The following DPF3 variants were observed in gnomAD, a reference collection of about 807,000 sequenced individuals.
DPF3 encodes the protein double PHD fingers 3.
DPF3 carries 18 observed loss-of-function variants against 56.8 expected under a neutral mutation model. The observed-to-expected ratio is 0.32, with a 90% CI of 0.22 to 0.47. The LOEUF (loss-of-function observed/expected upper bound fraction) is 0.47, where lower values mean the gene tolerates loss of function less well. Among genes scored for constraint, DPF3 ranks in the 20% least tolerant of loss-of-function variants. The probability of loss-of-function intolerance (pLI) is 1.00; values close to 1 mark genes in which losing one functional copy is unlikely to be tolerated. For missense variants in DPF3, 403 were observed against 488.8 expected (o/e 0.82, Z 1.65); for synonymous variants, 188 against 180.2 (o/e 1.04, Z -0.35).
intron 1 of DPF3, among the ~76,000 whole-genome samples, chr14:72,838,707 A>C (rs1748925187): frequency 6.6e-6 from 1 of 151,684 alleles, no homozygotes; most frequent in South Asian, 2.1e-4. Flanking sequence ...CAGTGAGCTG[A>C]AATCACACCA....
chr14:72,879,666 C>A, intron 1 of DPF3: 1 of 1,094,074 alleles, frequency 9.1e-7, no homozygotes, highest in Admixed American at 3.0e-5. Context: ...CAGAGGAAAC[C>A]GCCTGCCCAG....
rs1326660381 is a variant in DPF3, at chr14:72,609,959, T to C, written c.*9338A>G. Among the ~76,000 whole-genome samples, 3 of 151,886 alleles carry C rather than the reference T, an allele frequency of 2.0e-5. No individual in the cohort carries two copies. Among genetic ancestry groups the C allele is most frequent in the Admixed American group, 6.6e-5 (1 of 15,264 alleles). On this transcript the variant is annotated 3_prime_UTR_variant, in exon 11 of 11. Coordinates refer to ENST00000556509, the MANE Select transcript of DPF3 (RefSeq NM_001280542.3). The stretch of plus-strand genomic sequence containing the variant: ...GGGTCCCAAGGATCAGTGGGGAGGG[T>C]GTTCAAAAGAGCAAAAAGGGAAACC...
chr14:72,664,498 TC>T (rs1399016676), intron 8 of DPF3, among the ~76,000 whole-genome samples: 1 of 152,050 alleles, frequency 6.6e-6, no homozygotes, highest in African/African-American at 2.4e-5. Flanking sequence ...GTGTTCTTAG[TC>T]TCCTGCTCTC....
intron 6 of DPF3, among the ~76,000 whole-genome samples, chr14:72,698,698 T>C (rs955683217): frequency 6.6e-6 from 1 of 152,008 alleles, no homozygotes; most frequent in Non-Finnish European, 1.5e-5. Flanking sequence ...AATAAAAAAG[T>C]AGGCTAGGCT....
chr14:72,762,029 A>G, intron 2 of DPF3, among the ~76,000 whole-genome samples: 1 of 151,998 alleles, frequency 6.6e-6, no homozygotes, highest in Non-Finnish European at 1.5e-5. Flanking sequence ...CCCTATATCT[A>G]TAAAATAAAT....
At chr14:72,857,393 C>T (rs951346898) in intron 1 of DPF3, among the ~76,000 whole-genome samples, 2 of 152,134 alleles carry the variant, frequency 1.3e-5, no homozygotes, top group Non-Finnish European at 2.9e-5. Context: ...AACATGGTTC[C>T]ATCTGCAACT....
chr14:72,757,949 G>A (rs756971958), intron 2 of DPF3, among the ~76,000 whole-genome samples: 17 of 150,844 alleles, frequency 1.1e-4, no homozygotes, highest in Non-Finnish European at 1.5e-4. Flanking sequence ...TTTTATGGGG[G>A]TATAAGCCAA....
chr14:72,642,251 G>A (rs1885586855), intron 8 of DPF3, among the ~76,000 whole-genome samples: 1 of 152,230 alleles, frequency 6.6e-6, no homozygotes, highest in Admixed American at 6.5e-5. Context: ...AATGTTTGCA[G>A]TTTTAAGCTG....
Position 72,714,472 on chromosome 14 carries a change from C to G in DPF3, c.555G>C (p.Arg185Ser). ...GGTCTTCCTGAGAGGCGGCGTCGTG[C>G]CTCCTCCTGCCCCCTGCAGAGCCGC... ...RARGSAGGRR[R>S]HDAASQEDHD... The change falls in exon 6 of 11, where the codon AGG becomes AGC. Residue 185 changes from arginine (R) to serine (S), a missense_variant. Physicochemically the swap from Arg to Ser is moderately radical, Grantham distance 110. Coordinates refer to ENST00000556509, the MANE Select transcript of DPF3 (RefSeq NM_001280542.3). 6.2e-7 allele frequency: 1 copy of G among 1,613,844 alleles called. No individual in the cohort carries two copies. The highest frequency in any genetic ancestry group is 8.5e-7 in the Non-Finnish European group (1 of 1,179,782).
intron 3 of DPF3, among the ~76,000 whole-genome samples, chr14:72,741,583 C>G (rs1202938874): frequency 2.0e-5 from 3 of 152,260 alleles, no homozygotes; most frequent in Non-Finnish European, 4.4e-5. Context: ...CGGAGCCTCC[C>G]TCATCTGTGA....
chr14:72,714,423 T>G lies in DPF3; in HGVS notation c.604A>C (p.Ile202Leu), dbSNP rs969226937. 1.9e-6 allele frequency: 3 copies of G among 1,613,698 alleles called. No homozygotes were observed. Among genetic ancestry groups the G allele is most frequent in the Admixed American group, 1.7e-5 (1 of 59,986 alleles). ...GAAGGTGGGACCGGCCCATACTTACTGTCACAGACGTAAGGTTTGTCGTGG... is the reference window on the plus strand; with the variant it reads ...GAAGGTGGGACCGGCCCATACTTACGGTCACAGACGTAAGGTTTGTCGTGG... Reference protein sequence around the residue: ...EDHDKPYVCDICGKRYKNRPG... With the variant: ...EDHDKPYVCDLCGKRYKNRPG... Residue 202 changes from isoleucine (I) to leucine (L), a missense_variant and splice_region_variant, in exon 6 of 11, where the codon ATC becomes CTC. By Grantham distance (5) the Ile-to-Leu change is conservative. Coordinates refer to ENST00000556509, the MANE Select transcript of DPF3 (RefSeq NM_001280542.3).
At chr14:72,781,650 C>T (rs1891977649) in intron 1 of DPF3, among the ~76,000 whole-genome samples, 1 of 151,614 alleles carries the variant, frequency 6.6e-6, no homozygotes, top group Admixed American at 6.6e-5. Context: ...CAAGGAGCTG[C>T]CAAGGACAAG....
intron 1 of DPF3, among the ~76,000 whole-genome samples, chr14:72,780,398 A>T (rs901018253): frequency 6.6e-6 from 1 of 152,240 alleles, no homozygotes; most frequent in African/African-American, 2.4e-5. Context: ...TCTTAAAGAC[A>T]GGAACTGAGA....
At chr14:72,834,240 T>C (rs1884188405) in intron 1 of DPF3, among the ~76,000 whole-genome samples, 1 of 152,008 alleles carries the variant, frequency 6.6e-6, no homozygotes, top group South Asian at 2.1e-4. Flanking sequence ...CTGACGCCTG[T>C]AACGCCAACA....
At chr14:72,750,116 A>C (rs1890504678) in intron 3 of DPF3, among the ~76,000 whole-genome samples, 1 of 152,154 alleles carries the variant, frequency 6.6e-6, no homozygotes, top group South Asian at 2.1e-4. Context: ...TTATGATCAT[A>C]AAATAAAGTT....
intron 7 of DPF3, among the ~76,000 whole-genome samples, chr14:72,681,519 C>A (rs963997819): frequency 6.6e-6 from 1 of 152,142 alleles, no homozygotes; most frequent in Admixed American, 6.5e-5. Context: ...CATCTTGCTG[C>A]GTGTTTTGGT....
chr14:72,817,901 G>A (rs572240454), intron 1 of DPF3, among the ~76,000 whole-genome samples: 105 of 152,096 alleles, frequency 6.9e-4, no homozygotes, highest in Non-Finnish European at 1.1e-3. Context: ...ACTTCATGTT[G>A]TACACAAAAA....
At chr14:72,864,941 A>T (rs1361680035) in intron 1 of DPF3, among the ~76,000 whole-genome samples, 1 of 152,216 alleles carries the variant, frequency 6.6e-6, no homozygotes, top group African/African-American at 2.4e-5. Context: ...ATGACTCGGG[A>T]CCAAGTGTAA....
At chr14:72,704,872 T>C (rs1366677932) in intron 6 of DPF3, among the ~76,000 whole-genome samples, 2 of 152,184 alleles carry the variant, frequency 1.3e-5, no homozygotes, top group African/African-American at 4.8e-5. Flanking sequence ...CCCGTCTATT[T>C]CACTGCTGCT....
Sources: allele counts gnomAD v4.1 joint callset (sites outside exome capture counted in the v4.1 genomes callset), GRCh38; gene constraint gnomAD v4.1.1; transcripts MANE v1.5; gene names NCBI Gene and HGNC (gene_info 2026-07-23, HGNC 2026-07-21).